Variants in FARS2 observed in about 807,000 individuals in gnomAD.
The protein encoded by FARS2 is phenylalanyl-tRNA synthetase 2, mitochondrial, also known as phenylalanine--tRNA ligase, mitochondrial.
In FARS2, 40 loss-of-function variants were observed where a neutral mutation model predicts 46.4. The observed-to-expected ratio is 0.86, with a 90% CI of 0.67 to 1.12. FARS2 has a LOEUF of 1.12. Ranked by LOEUF, FARS2 falls within the 50% of genes most tolerant of loss-of-function variation. The pLI, the probability that FARS2 is intolerant of heterozygous loss-of-function variation, is 0.00. For missense variants in FARS2, 513 were observed against 567.9 expected, an observed-to-expected ratio of 0.90 and a Z score of 0.98; for synonymous variants, 234 against 214.9, an observed-to-expected ratio of 1.09 and a Z score of -0.78.
chr6:5,409,523 ATTG>A (rs1476445653), intron 3 of FARS2, among the ~76,000 whole-genome samples: 1 of 151,940 alleles, frequency 6.6e-6, no homozygotes, highest in Non-Finnish European at 1.5e-5. Context: ...ATGTTGCTTT[ATTG>A]TTTTAAAAAT....
In FARS2 at chr6:5,611,750, G is replaced by A. The variant is rs76609047; in HGVS notation, c.1066-1419G>A. Among the ~76,000 whole-genome samples the A allele has an allele frequency of 6.0e-4, 91 of 152,220 alleles. 1 individual carries two copies. The highest frequency in any genetic ancestry group is 2.1e-3 in the African/African-American group (86 of 41,530). On this transcript the variant is annotated intron_variant, in intron 5 of 6. Transcript: ENST00000274680. ...TGGGGCATGTGTTCTGGCTGCCTGC[G>A]TTATTATCATATTGACTGTTGTCCA...
At chr6:5,407,039 C>CA (rs1761641988) in intron 3 of FARS2, among the ~76,000 whole-genome samples, 2 of 36,030 alleles carry the variant, frequency 5.6e-5, no homozygotes, top group African/African-American at 1.4e-4. Context: ...ATGAAGGTGG[C>CA]AAATTATATA....
chr6:5,719,712 G>T (rs1042051355), intron 6 of FARS2, among the ~76,000 whole-genome samples: 3 of 152,190 alleles, frequency 2.0e-5, no homozygotes, highest in Non-Finnish European at 4.4e-5. Flanking sequence ...TTTGTCATTG[G>T]TGTGACACTA....
intron 2 of FARS2, among the ~76,000 whole-genome samples, chr6:5,403,547 A>G (rs746751784): frequency 6.6e-6 from 1 of 151,160 alleles, no homozygotes; most frequent in Non-Finnish European, 1.5e-5. Context: ...CCCTGGCTTC[A>G]TGCTTCCTGT....
intron 6 of FARS2, among the ~76,000 whole-genome samples, chr6:5,656,573 C>T (rs1777616944): frequency 1.7e-5 from 1 of 59,304 alleles, no homozygotes; most frequent in African/African-American, 8.2e-5. Context: ...TTTTTGGAGA[C>T]AGAGTCTCGC....
intron 1 of FARS2, among the ~76,000 whole-genome samples, chr6:5,292,523 A>G (rs965191443): frequency 6.6e-6 from 1 of 152,200 alleles, no homozygotes; most frequent in African/African-American, 2.4e-5. Flanking sequence ...GAGGAATTGA[A>G]GAGAAGGAAG....
At chr6:5,585,781 CAT>C (rs914915816) in intron 5 of FARS2, among the ~76,000 whole-genome samples, 43 of 152,060 alleles carry the variant, frequency 2.8e-4, no homozygotes, top group African/African-American at 6.3e-4. Flanking sequence ...CTTATATACA[CAT>C]ATATATGTCA....
intron 1 of FARS2, among the ~76,000 whole-genome samples, chr6:5,357,576 A>G (rs923944634): frequency 6.6e-6 from 1 of 152,238 alleles, no homozygotes; most frequent in African/African-American, 2.4e-5. Flanking sequence ...GTTTGCATAG[A>G]GGTAAAACAT....
chr6:5,525,393 C>T (rs1035883374), intron 4 of FARS2, among the ~76,000 whole-genome samples: 3 of 152,228 alleles, frequency 2.0e-5, no homozygotes, highest in Admixed American at 6.5e-5. Flanking sequence ...AAGAGTGCCC[C>T]TTCAGGACTG....
At chr6:5,697,642 A>T (rs1215198216) in intron 6 of FARS2, among the ~76,000 whole-genome samples, 3 of 152,258 alleles carry the variant, frequency 2.0e-5, no homozygotes, top group African/African-American at 7.2e-5. Context: ...CAACAAACAA[A>T]GGCAAAATCA....
At chr6:5,465,549 A>G (rs1765466656) in intron 4 of FARS2, among the ~76,000 whole-genome samples, 1 of 152,160 alleles carries the variant, frequency 6.6e-6, no homozygotes, top group African/African-American at 2.4e-5. Context: ...CTGACTTTTT[A>G]AAGACCCCCT....
rs1056212705 is a variant in FARS2, at chr6:5,764,444, G to A, written c.1218-6847G>A. 2.0e-5 allele frequency among the ~76,000 whole-genome samples: 3 copies of A among 152,114 alleles called. No individual in the cohort carries two copies. The highest frequency in any genetic ancestry group is 4.4e-5 in the Non-Finnish European group (3 of 68,026). ...TGCACGTATTGACCCTCGCAGCCAT[G>A]CACAGTGCCTCTGACGTGGGCAGCT... On this transcript the variant is annotated intron_variant, in intron 6 of 6. Transcript: ENST00000274680. This position sits in a 1 kb window ranked among gnomAD's most constrained non-coding sequence, Gnocchi z 4.1.
chr6:5,390,936 A>G (rs1330746971), intron 2 of FARS2, among the ~76,000 whole-genome samples: 1 of 152,234 alleles, frequency 6.6e-6, no homozygotes, highest in Non-Finnish European at 1.5e-5. Context: ...ATGCAATTGC[A>G]CATATGCTAA....
intron 4 of FARS2, among the ~76,000 whole-genome samples, chr6:5,460,268 C>T (rs1207589231): frequency 6.6e-6 from 1 of 152,130 alleles, no homozygotes; most frequent in East Asian, 1.9e-4. Context: ...TTTGTTTGAT[C>T]TTTTGGAGAT....
rs1477558895 is a variant in FARS2 at position 5,630,526 on chromosome 6, C to T, written c.1217+17206C>T. 3.3e-5 allele frequency among the ~76,000 whole-genome samples: 5 copies of T among 152,198 alleles called. No homozygotes were observed. The highest frequency in any genetic ancestry group is 1.2e-4 in the African/African-American group (5 of 41,450). ...TTGGTGTCTCATGGAGCAAGCAAAA[C>T]GTCCTGACTCTGGAAACCAGACCTG... On this transcript the variant is annotated intron_variant, in intron 6 of 6. Transcript: ENST00000274680. The surrounding 1 kb of genome is among the most constrained non-coding windows in gnomAD (Gnocchi z 4.2).
At chr6:5,662,203 C>CT (rs1210113208) in intron 6 of FARS2, among the ~76,000 whole-genome samples, 2 of 151,786 alleles carry the variant, frequency 1.3e-5, no homozygotes, top group Non-Finnish European at 2.9e-5. Flanking sequence ...TTCTTTTTTT[C>CT]TTTGTCAGCT....
In FARS2 at chr6:5,368,884, T is replaced by C; in HGVS notation, c.314T>C (p.Phe105Ser). The change falls in exon 2 of 7, where the codon TTT becomes TCT. Residue 105 changes from phenylalanine (F) to serine (S), a missense_variant. Phe to Ser is a radical substitution (Grantham distance 155). Coordinates refer to ENST00000274680, the MANE Select transcript of FARS2 (RefSeq NM_006567.5). ...TTCTACAAGCAGTATGTGGGCCGCTTTGGGACCCCGTTGTTCTCGGTCTAC... is the reference window on the plus strand; with the variant it reads ...TTCTACAAGCAGTATGTGGGCCGCTCTGGGACCCCGTTGTTCTCGGTCTAC... ...EHFYKQYVGRFGTPLFSVYDN... is the reference protein window; with the variant it reads ...EHFYKQYVGRSGTPLFSVYDN... 1 of 1,614,128 alleles carries C rather than the reference T, an allele frequency of 6.2e-7. No individual in the cohort carries two copies. The highest frequency in any genetic ancestry group is 8.5e-7 in the Non-Finnish European group (1 of 1,180,016).
At chr6:5,712,466 T>C (rs79366373) in intron 6 of FARS2, among the ~76,000 whole-genome samples, 233 of 152,324 alleles carry the variant, frequency 1.5e-3, no homozygotes, top group Middle Eastern at 3.4e-3. Context: ...TGGACCTCCA[T>C]GGCTTCTGCA....
chr6:5,709,149 G>A (rs571124048), intron 6 of FARS2, among the ~76,000 whole-genome samples: 22 of 152,202 alleles, frequency 1.4e-4, no homozygotes, highest in Admixed American at 8.5e-4. Context: ...TTCATTTCTC[G>A]AAGGGCTTTG....
Sources: allele counts gnomAD v4.1 joint callset (sites outside exome capture counted in the v4.1 genomes callset), GRCh38; gene constraint gnomAD v4.1.1; non-coding constraint Gnocchi (gnomAD v3.1); transcripts MANE v1.5; gene names NCBI Gene and HGNC (gene_info 2026-07-23, HGNC 2026-07-21).